The following RICTOR variants were observed in gnomAD, a reference collection of about 807,000 sequenced individuals.
RICTOR encodes the protein RPTOR independent companion of MTOR complex 2.
Under a neutral mutation model 214.9 loss-of-function variants are expected in RICTOR, and 49 were observed. The observed-to-expected ratio is 0.23, with a 90% CI of 0.18 to 0.29. RICTOR has a LOEUF of 0.29. Among genes scored for constraint, RICTOR ranks in the 10% least tolerant of loss-of-function variants. RICTOR has a pLI of 1.00. For synonymous variants in RICTOR, 717 were observed against 711.3 expected, an observed-to-expected ratio of 1.01 and a Z score of -0.13; for missense variants, 1,625 against 2,047.0, an observed-to-expected ratio of 0.79 and a Z score of 3.98.
chr5:39,037,650 C>T (rs1371593559), intron 2 of RICTOR, among the ~76,000 whole-genome samples: 1 of 152,180 alleles, frequency 6.6e-6, no homozygotes, highest in Non-Finnish European at 1.5e-5. Flanking sequence ...CCACCAATCC[C>T]ACAGACATAC....
At chr5:39,074,041 G>T in intron 2 of RICTOR, 70 bp downstream of exon 2, 2 of 1,192,144 alleles carry the variant, frequency 1.7e-6, no homozygotes, top group Non-Finnish European at 2.2e-6. Context: ...CCCTGCCTCT[G>T]GCCCCCAGCC....
chr5:38,980,067 T>C (rs961034882), intron 8 of RICTOR, among the ~76,000 whole-genome samples: 1 of 152,242 alleles, frequency 6.6e-6, no homozygotes, highest in African/African-American at 2.4e-5. Flanking sequence ...ATTCCAGATA[T>C]CGTATTTTCA....
intron 7 of RICTOR, among the ~76,000 whole-genome samples, chr5:38,982,476 A>G (rs1751790232): frequency 6.6e-6 from 1 of 152,166 alleles, no homozygotes. Flanking sequence ...TTCTTGCTCC[A>G]AAGATCAGGC....
chr5:38,999,897 A>G (rs532754512), intron 5 of RICTOR, among the ~76,000 whole-genome samples: 94 of 152,140 alleles, frequency 6.2e-4, no homozygotes, highest in African/African-American at 2.1e-3. Flanking sequence ...ACTTAAATGT[A>G]AAGACAAAAA....
intron 2 of RICTOR, among the ~76,000 whole-genome samples, chr5:39,051,357 A>G (rs548505164): frequency 2.0e-5 from 3 of 152,314 alleles, no homozygotes; most frequent in Non-Finnish European, 4.4e-5. Context: ...ATGACACTGT[A>G]AGATATACAA....
chr5:39,070,863 A>G (rs1759272006), intron 2 of RICTOR, among the ~76,000 whole-genome samples: 1 of 152,228 alleles, frequency 6.6e-6, no homozygotes, highest in African/African-American at 2.4e-5. Flanking sequence ...ACATTTTGGC[A>G]TGCATTACAG....
At chr5:39,005,259 A>G (rs912136802) in intron 3 of RICTOR, among the ~76,000 whole-genome samples, 2 of 152,154 alleles carry the variant, frequency 1.3e-5, no homozygotes, top group African/African-American at 4.8e-5. Context: ...TATATTTTCA[A>G]AACTACTTCT....
intron 10 of RICTOR, 125 bp downstream of exon 10, chr5:38,975,412 A>G: frequency 3.0e-6 from 2 of 676,726 alleles, no homozygotes; most frequent in Admixed American, 5.6e-5. Context: ...CTTTGGTTCT[A>G]ATAATAATAT....
chr5:38,964,272 C>A (rs576236407), intron 16 of RICTOR, among the ~76,000 whole-genome samples: 13 of 151,930 alleles, frequency 8.6e-5, no homozygotes, highest in Admixed American at 2.0e-4. Flanking sequence ...CACTGGAATT[C>A]CAGCAGAGCT....
At position 39,074,177 on chromosome 5, in the gene RICTOR, C is replaced by G; in HGVS notation, c.50-19G>C. The G allele has an allele frequency of 1.3e-6, 2 of 1,591,036 alleles. No individual in the cohort carries two copies. Among genetic ancestry groups the G allele is most frequent in the East Asian group, 2.4e-5 (1 of 41,864 alleles). On this transcript the variant is annotated intron_variant, in intron 1 of 37. Transcript: ENST00000357387. The stretch of plus-strand genomic sequence containing the variant: ...TTCCGCCCTGCGCGAAACAGACACA[C>G]AGCCCCAATTAGGATTGGCTCGCAG...
chr5:38,998,965 G>A (rs1315378494), intron 5 of RICTOR, among the ~76,000 whole-genome samples: 6 of 140,010 alleles, frequency 4.3e-5, no homozygotes, highest in Admixed American at 7.6e-5. Context: ...GCAGTGAGCC[G>A]AGATTGCGCC....
chr5:38,947,347 A>G lies in RICTOR; in HGVS notation c.4231T>C (p.Ser1411Pro). 1 of 1,612,712 alleles carries G rather than the reference A, an allele frequency of 6.2e-7. No individual in the cohort carries two copies. Among genetic ancestry groups the G allele is most frequent in the Non-Finnish European group, 8.5e-7 (1 of 1,178,856 alleles). The change falls in exon 32 of 38, where the codon TCC becomes CCC. Residue 1411 changes from serine to proline, a missense_variant. By Grantham distance (74) the Ser-to-Pro change is moderately conservative. This residue lies in a region of RICTOR where 1,214 missense variants were observed against 1,470.5 expected (regional missense o/e 0.83). Transcript: ENST00000357387. ...CCATATGTGGCACTGGACACCATGG[A>G]CCGCACTGAGGAAGATCGTTGCAGG... ...NTLQRSSSVR[S>P]MVSSATYGGS... is the part of the protein sequence containing the mutation.
At chr5:39,073,845 G>A (rs959723215) in intron 2 of RICTOR, among the ~76,000 whole-genome samples, 5 of 152,268 alleles carry the variant, frequency 3.3e-5, no homozygotes, top group Admixed American at 2.0e-4. Context: ...CGGGTCTGCC[G>A]AGTTCCACTC....
intron 10 of RICTOR, among the ~76,000 whole-genome samples, chr5:38,972,219 G>A (rs982082738): frequency 1.3e-5 from 2 of 152,172 alleles, no homozygotes; most frequent in African/African-American, 4.8e-5. Context: ...AAGTTCATGA[G>A]TCTGACTGCC....
At chr5:39,064,614 G>A (rs1421472704) in intron 2 of RICTOR, among the ~76,000 whole-genome samples, 5 of 152,278 alleles carry the variant, frequency 3.3e-5, no homozygotes, top group South Asian at 4.1e-4. Flanking sequence ...TGTGCTTTTC[G>A]CAGTCTTATT....
intron 2 of RICTOR, among the ~76,000 whole-genome samples, chr5:39,037,000 T>G (rs1415283754): frequency 6.6e-6 from 1 of 152,072 alleles, no homozygotes; most frequent in African/African-American, 2.4e-5. Flanking sequence ...CCACCCCAAA[T>G]CAACAGAATA....
chr5:39,053,027 G>A (rs1002438440), intron 2 of RICTOR, among the ~76,000 whole-genome samples: 2 of 152,148 alleles, frequency 1.3e-5, no homozygotes, highest in African/African-American at 4.8e-5. Flanking sequence ...AATGAAATTT[G>A]TAAGAGTATC....
intron 4 of RICTOR, 134 bp from the exon 5 acceptor site, chr5:39,002,800 A>G: frequency 6.2e-6 from 5 of 800,486 alleles, no homozygotes; most frequent in South Asian, 2.0e-5. Flanking sequence ...AGCATTCTAC[A>G]TATATAAAAA....
intron 36 of RICTOR, chr5:38,943,299 T>C (rs1202631835): frequency 1.1e-5 from 2 of 183,278 alleles, no homozygotes; most frequent in Non-Finnish European, 2.3e-5. Context: ...AGTTTTAAAA[T>C]AGAAATACAT....
Sources: allele counts gnomAD v4.1 joint callset (sites outside exome capture counted in the v4.1 genomes callset), GRCh38; gene constraint gnomAD v4.1.1; regional missense constraint gnomAD v4.1.1; transcripts MANE v1.5; gene names NCBI Gene and HGNC (gene_info 2026-07-23, HGNC 2026-07-21).